SMARCAL1: variants seen among roughly 807,000 people sequenced by gnomAD.
SMARCAL1 encodes the protein ATP-driven annealing helicase.
SMARCAL1 carries 58 observed loss-of-function variants against 94.5 expected under a neutral mutation model. The ratio of observed to expected loss-of-function variants is 0.61; its 90% CI spans 0.50 to 0.76. SMARCAL1 has a LOEUF of 0.76. Among genes scored for constraint, SMARCAL1 ranks in the 30% least tolerant of loss-of-function variants. The pLI is 0.00. For synonymous variants in SMARCAL1, 422 were observed against 455.1 expected (o/e 0.93, Z 0.93); for missense variants, 1,051 against 1,177.9 (o/e 0.89, Z 1.58).
chr2:216,451,851 A>C (rs1694458087), intron 12 of SMARCAL1, among the ~76,000 whole-genome samples: 1 of 152,272 alleles, frequency 6.6e-6, no homozygotes, highest in Non-Finnish European at 1.5e-5. Flanking sequence ...AGAAAATAAC[A>C]GTCATTGATA....
chr2:216,426,609 C>CT (rs59066023), intron 6 of SMARCAL1, among the ~76,000 whole-genome samples: 26,217 of 152,096 alleles, frequency 0.17, 2,556 homozygotes, highest in East Asian at 0.3. Flanking sequence ...GCTTTCCTTA[C>CT]TGGGAGCATT....
At chr2:216,480,548 T>C (rs74609239) in intron 17 of SMARCAL1, among the ~76,000 whole-genome samples, 132 of 148,346 alleles carry the variant, frequency 8.9e-4, no homozygotes, top group Non-Finnish European at 1.6e-3. Context: ...GAGGAGGACA[T>C]GTGGGTTATT....
intron 14 of SMARCAL1, among the ~76,000 whole-genome samples, chr2:216,471,792 A>T (rs1312475982): frequency 6.6e-6 from 1 of 152,244 alleles, no homozygotes; most frequent in African/African-American, 2.4e-5. Flanking sequence ...TCAGATTTAT[A>T]AATGAGAATA....
chr2:216,478,914 T>C (rs566069214), intron 17 of SMARCAL1: 51 of 165,438 alleles, frequency 3.1e-4, no homozygotes, highest in South Asian at 7.8e-4. Context: ...CAGGCAGGCC[T>C]TGTCAAAGGT....
rs141124412 is a variant in SMARCAL1, at chr2:216,482,354, C to G, written c.2626-384C>G. ...ATTTAGAAGTTGAATTATACCTTAA[C>G]TGACCCTTAGTAGAGAAAGGCTTTG... is the stretch of plus-strand genomic sequence containing the variant. On this transcript the variant is annotated intron_variant, in intron 17 of 17. Coordinates refer to ENST00000357276, the MANE Select transcript of SMARCAL1 (RefSeq NM_014140.4). This position sits in a 1 kb window ranked among gnomAD's most constrained non-coding sequence, Gnocchi z 4.3. 4.6e-4 allele frequency among the ~76,000 whole-genome samples: 70 copies of G among 152,230 alleles called. 1 individual carries two copies. Among genetic ancestry groups the G allele is most frequent in the African/African-American group, 1.6e-3 (67 of 41,536 alleles).
chr2:216,444,279 A>G (rs1436364510), intron 10 of SMARCAL1, among the ~76,000 whole-genome samples: 1 of 152,174 alleles, frequency 6.6e-6, no homozygotes, highest in Non-Finnish European at 1.5e-5. Flanking sequence ...AATTCTGGGT[A>G]TAAGACTGGA....
At chr2:216,414,327 T>C (rs969359613) in intron 2 of SMARCAL1, 4 of 256,900 alleles carry the variant, frequency 1.6e-5, no homozygotes, top group African/African-American at 6.9e-5. Context: ...CTGGCTAATT[T>C]TGTATTTTTA....
At chr2:216,416,364 A>C in intron 4 of SMARCAL1, 57 bp downstream of exon 4, 1 of 1,439,086 alleles carries the variant, frequency 6.9e-7, no homozygotes, top group Non-Finnish European at 9.8e-7. Context: ...AAATCTTTAG[A>C]GTATCACATG....
chr2:216,461,055 G>GT (rs1694686471), intron 12 of SMARCAL1, among the ~76,000 whole-genome samples: 1 of 146,246 alleles, frequency 6.8e-6, no homozygotes, highest in Admixed American at 6.9e-5. Context: ...ACTAGAAAGA[G>GT]GTGTGTGTGT....
rs1694869932 is a variant in SMARCAL1, at chr2:216,468,111, T to G, written c.2244+65T>G. On this transcript the variant is annotated intron_variant, in intron 14 of 17. Coordinates refer to ENST00000357276, the MANE Select transcript of SMARCAL1 (RefSeq NM_014140.4). ...ATGTCCCAAGTTGTTCTAAGCAGGCTTAGGTCAGATCCAAGCAAAGTGAGA... is the reference window on the plus strand; with the variant it reads ...ATGTCCCAAGTTGTTCTAAGCAGGCGTAGGTCAGATCCAAGCAAAGTGAGA... 1.8e-5 allele frequency: 20 copies of G among 1,116,552 alleles called. 1 individual carries two copies. The Admixed American group carries it at 1.9e-4, about 10-fold the overall frequency. The allele number at this position is 1,116,552 out of a possible 1,614,324, so 69.2% of individuals were successfully genotyped here.
At chr2:216,454,753 G>A (rs1265565426) in intron 12 of SMARCAL1, among the ~76,000 whole-genome samples, 1 of 152,246 alleles carries the variant, frequency 6.6e-6, no homozygotes, top group Non-Finnish European at 1.5e-5. Flanking sequence ...AACAGCTCCA[G>A]TCTACAGCTC....
At chr2:216,428,570 T>C (rs755049814) in intron 6 of SMARCAL1, 26 bp from the exon 7 acceptor site, 1 of 1,611,144 alleles carries the variant, frequency 6.2e-7, no homozygotes, top group Non-Finnish European at 8.5e-7. Context: ...ACACTCCAGC[T>C]CATATGCTTC....
chr2:216,472,142 G>T (rs2106082269), intron 14 of SMARCAL1, among the ~76,000 whole-genome samples: 1 of 152,260 alleles, frequency 6.6e-6, no homozygotes, highest in South Asian at 2.1e-4. Context: ...ATCACCCGAG[G>T]TTAGGAATTC....
chr2:216,440,588 G>A (rs2106042890), intron 10 of SMARCAL1, among the ~76,000 whole-genome samples: 1 of 152,212 alleles, frequency 6.6e-6, no homozygotes, highest in Middle Eastern at 3.4e-3. Flanking sequence ...TTATGAAGGT[G>A]TCTTGGGGCC....
intron 9 of SMARCAL1, among the ~76,000 whole-genome samples, chr2:216,436,638 G>T (rs1334612839): frequency 6.6e-6 from 1 of 152,238 alleles, no homozygotes; most frequent in East Asian, 1.9e-4. Context: ...TTCAAGTGTG[G>T]CTTTGAAAAG....
intron 12 of SMARCAL1, among the ~76,000 whole-genome samples, chr2:216,457,614 A>C (rs534696582): frequency 6.6e-6 from 1 of 152,364 alleles, no homozygotes; most frequent in South Asian, 2.1e-4. Flanking sequence ...ATGAAGGCAG[A>C]AATAAAGGTG....
At chr2:216,470,491 CTTT>C (rs34225191) in intron 14 of SMARCAL1, among the ~76,000 whole-genome samples, 1 of 142,892 alleles carries the variant, frequency 7.0e-6, no homozygotes, top group African/African-American at 2.6e-5. Context: ...CCAACTAGAT[CTTT>C]TTTTTTTTTT....
chr2:216,465,230 C>T (rs1694806982), intron 13 of SMARCAL1, among the ~76,000 whole-genome samples: 2 of 152,178 alleles, frequency 1.3e-5, no homozygotes, highest in African/African-American at 4.8e-5. Context: ...GTAACTGGAG[C>T]GACTACTAGG....
At chr2:216,453,957 G>T (rs978152756) in intron 12 of SMARCAL1, among the ~76,000 whole-genome samples, 1 of 152,128 alleles carries the variant, frequency 6.6e-6, no homozygotes. Context: ...CTGAAATAAT[G>T]GATATCGCTT....
Sources: gnomAD v4.1 joint callset for allele counts (sites outside exome capture counted in the v4.1 genomes callset) on GRCh38, gnomAD v4.1.1 for gene constraint, Gnocchi (gnomAD v3.1) non-coding constraint, MANE v1.5 for transcripts, NCBI Gene and HGNC (gene_info 2026-07-23, HGNC 2026-07-21) for gene names.